The following ZBTB20 variants were observed in gnomAD, a reference collection of about 807,000 sequenced individuals.
The protein encoded by ZBTB20 is zinc finger and BTB domain-containing protein 20.
In ZBTB20, 9 loss-of-function variants were observed where a neutral mutation model predicts 56.9. The ratio of observed to expected loss-of-function variants is 0.16; its 90% CI spans 0.10 to 0.28. The LOEUF (loss-of-function observed/expected upper bound fraction) is 0.28. Ranked by LOEUF, ZBTB20 falls within the 10% of genes least tolerant of loss-of-function variation. The pLI, the probability that ZBTB20 is intolerant of heterozygous loss-of-function variation, is 1.00. For synonymous variants in ZBTB20, 417 were observed against 420.7 expected (o/e 0.99, Z 0.11); for missense variants, 655 against 1,003.0 (o/e 0.65, Z 4.69).
At chr3:114,883,926 T>C (rs1486193594) in intron 4 of ZBTB20, among the ~76,000 whole-genome samples, 5 of 68,354 alleles carry the variant, frequency 7.3e-5, no homozygotes, top group East Asian at 9.0e-4. Flanking sequence ...CTTTTTTTTT[T>C]TTTTTTTTTT....
intron 4 of ZBTB20, among the ~76,000 whole-genome samples, chr3:114,811,919 C>G (rs1325749386): frequency 6.6e-6 from 1 of 152,154 alleles, no homozygotes; most frequent in Non-Finnish European, 1.5e-5. Context: ...CGGACCCTCC[C>G]GGTGAGTGTT....
chr3:115,077,616 C>T (rs751220626), intron 1 of ZBTB20, among the ~76,000 whole-genome samples: 3 of 152,140 alleles, frequency 2.0e-5, no homozygotes, highest in African/African-American at 7.2e-5. Context: ...ATACAAATGG[C>T]CAAGAGATAT....
intron 7 of ZBTB20, among the ~76,000 whole-genome samples, chr3:114,453,272 C>T (rs932152599): frequency 2.6e-5 from 4 of 152,150 alleles, no homozygotes; most frequent in African/African-American, 9.7e-5. Context: ...TTTGCATGAA[C>T]TAGTGTATCA....
chr3:114,524,923 A>G (rs2047043309), intron 6 of ZBTB20, among the ~76,000 whole-genome samples: 1 of 152,182 alleles, frequency 6.6e-6, no homozygotes, highest in African/African-American at 2.4e-5. Flanking sequence ...TATGTTGGCC[A>G]GGCTGGTCTC....
intron 4 of ZBTB20, among the ~76,000 whole-genome samples, chr3:114,835,845 TA>T (rs1191118268): frequency 6.6e-6 from 1 of 152,194 alleles, no homozygotes; most frequent in Non-Finnish European, 1.5e-5. Context: ...TGACAGCTGT[TA>T]ACCCTTTCAT....
At chr3:114,640,572 C>T (rs2059505259) in intron 6 of ZBTB20, among the ~76,000 whole-genome samples, 1 of 152,078 alleles carries the variant, frequency 6.6e-6, no homozygotes, top group African/African-American at 2.4e-5. Context: ...TTTCCAGTTT[C>T]AGTTCCAATG....
chr3:114,979,605 C>A (rs1215514665), intron 2 of ZBTB20, among the ~76,000 whole-genome samples: 1 of 151,856 alleles, frequency 6.6e-6, no homozygotes. Flanking sequence ...TTATAGCAAA[C>A]AAGTCTTCAT....
At chr3:115,124,250 C>G (rs1163402848) in intron 1 of ZBTB20, among the ~76,000 whole-genome samples, 1 of 152,084 alleles carries the variant, frequency 6.6e-6, no homozygotes, top group African/African-American at 2.4e-5. Flanking sequence ...AACTTAGAGT[C>G]TTAAATATAC....
intron 7 of ZBTB20, among the ~76,000 whole-genome samples, chr3:114,473,693 C>A (rs891884090): frequency 2.9e-4 from 44 of 152,120 alleles, no homozygotes; most frequent in African/African-American, 1.0e-3. Context: ...GTAGAAAATA[C>A]AAATCACAGA....
intron 1 of ZBTB20, among the ~76,000 whole-genome samples, chr3:115,129,191 CAT>C (rs1560594351): frequency 1.3e-5 from 2 of 152,016 alleles, no homozygotes; most frequent in Non-Finnish European, 2.9e-5. Context: ...ACTAGTTAAA[CAT>C]ATTTTTTAAG....
intron 8 of ZBTB20, among the ~76,000 whole-genome samples, chr3:114,381,823 G>A (rs1451666521): frequency 1.3e-5 from 2 of 152,306 alleles, no homozygotes; most frequent in East Asian, 3.9e-4. Flanking sequence ...GGCAGAGATG[G>A]CATGGCAAAG....
intron 1 of ZBTB20, among the ~76,000 whole-genome samples, chr3:115,075,485 T>C (rs543459334): frequency 6.6e-6 from 1 of 152,288 alleles, no homozygotes; most frequent in Middle Eastern, 3.4e-3. Flanking sequence ...TGAATAATAT[T>C]CCACTGTGTA....
intron 7 of ZBTB20, among the ~76,000 whole-genome samples, chr3:114,459,621 C>T (rs940292032): frequency 3.3e-5 from 5 of 151,968 alleles, no homozygotes; most frequent in African/African-American, 4.8e-5. Flanking sequence ...ATTTTAATTC[C>T]CTTTGTTCTT....
chr3:114,555,524 T>C lies in ZBTB20; in HGVS notation c.-294-55133A>G, dbSNP rs908050163. Among the ~76,000 whole-genome samples, 49 of 152,148 alleles carry C rather than the reference T, an allele frequency of 3.2e-4. 1 individual carries two copies. The highest frequency in any genetic ancestry group is 1.1e-3 in the Admixed American group (17 of 15,262). On this transcript the variant is annotated intron_variant, in intron 6 of 11. Coordinates refer to ENST00000675478, the MANE Select transcript of ZBTB20 (RefSeq NM_001348800.3). ...CACCTGAATCTCACTAGTTCACATG[T>C]CATTTGTCCTGATTCCATCCTCACT...
At chr3:114,417,203 T>C (rs1269444127) in intron 7 of ZBTB20, among the ~76,000 whole-genome samples, 1 of 152,034 alleles carries the variant, frequency 6.6e-6, no homozygotes, top group Non-Finnish European at 1.5e-5. Context: ...CTTAAATAAA[T>C]TAAGTAAGTA....
At chr3:115,135,257 T>A (rs2084622923) in intron 1 of ZBTB20, among the ~76,000 whole-genome samples, 1 of 152,156 alleles carries the variant, frequency 6.6e-6, no homozygotes, top group African/African-American at 2.4e-5. Context: ...CAGCTTGGAA[T>A]TGGAAGTGAA....
chr3:114,926,739 G>T (rs1026670612), intron 3 of ZBTB20, among the ~76,000 whole-genome samples: 3 of 152,152 alleles, frequency 2.0e-5, no homozygotes, highest in Non-Finnish European at 4.4e-5. Flanking sequence ...AGTTTTGGAA[G>T]CAGAAAAAAT....
rs554247440 is a variant in ZBTB20, at chr3:114,347,593, T to A, written c.1804+2681A>T. Among the ~76,000 whole-genome samples, 241 of 152,268 alleles carry A rather than the reference T, an allele frequency of 1.6e-3. 2 individuals carry two copies. The highest frequency in any genetic ancestry group is 3.2e-3 in the Middle Eastern group (1 of 316). ...CTTTGTTTGGAAATGCGAGCTACAA[T>A]GAACCCAGGTCTTGAATTATTTCCA... On this transcript the variant is annotated intron_variant, in intron 11 of 11. Coordinates refer to ENST00000675478, the MANE Select transcript of ZBTB20 (RefSeq NM_001348800.3).
intron 4 of ZBTB20, among the ~76,000 whole-genome samples, chr3:114,848,196 G>A (rs2074813209): frequency 6.6e-6 from 1 of 152,138 alleles, no homozygotes; most frequent in South Asian, 2.1e-4. Context: ...ATTAGATGTA[G>A]ACTGATGCCT....
Sources: allele counts gnomAD v4.1 joint callset (sites outside exome capture counted in the v4.1 genomes callset), GRCh38; gene constraint gnomAD v4.1.1; transcripts MANE v1.5; gene names NCBI Gene and HGNC (gene_info 2026-07-23, HGNC 2026-07-21).